Variants in ATG4C observed in about 807,000 individuals in gnomAD.
ATG4C encodes autophagy related 4C cysteine peptidase, also known as cysteine protease ATG4C.
In ATG4C, 56 loss-of-function variants were observed where a neutral mutation model predicts 57.6. That is an observed-to-expected ratio of 0.97 (90% CI 0.78 to 1.21). The LOEUF (loss-of-function observed/expected upper bound fraction) is 1.21, where lower values mean the gene tolerates loss of function less well. ATG4C is among the 50% of genes most tolerant of loss of function. ATG4C has a pLI of 0.00. For synonymous variants in ATG4C, 157 were observed against 174.1 expected, an observed-to-expected ratio of 0.90 and a Z score of 0.78; for missense variants, 595 against 529.8, an observed-to-expected ratio of 1.12 and a Z score of -1.21.
intron 6 of ATG4C, among the ~76,000 whole-genome samples, chr1:62,828,798 G>A (rs1054172074): frequency 2.6e-5 from 4 of 152,134 alleles, no homozygotes; most frequent in African/African-American, 9.6e-5. Flanking sequence ...TTACATTTAA[G>A]TCTTTAATCC....
At chr1:62,812,680 T>G (rs1665126492) in intron 3 of ATG4C, among the ~76,000 whole-genome samples, 1 of 152,156 alleles carries the variant, frequency 6.6e-6, no homozygotes, top group Non-Finnish European at 1.5e-5. Flanking sequence ...GAAGTCAAAT[T>G]ATCTCTTTTT....
At chr1:62,827,332 T>C (rs1365209189) in intron 6 of ATG4C, among the ~76,000 whole-genome samples, 1 of 150,380 alleles carries the variant, frequency 6.6e-6, no homozygotes, top group African/African-American at 2.5e-5. Flanking sequence ...ACTCGCACTT[T>C]TTGATCTTTT....
chr1:62,811,769 A>G (rs1352426758), intron 3 of ATG4C, among the ~76,000 whole-genome samples: 1 of 152,126 alleles, frequency 6.6e-6, no homozygotes, highest in Non-Finnish European at 1.5e-5. Flanking sequence ...CTGAAGTTCT[A>G]TCAGTTTTTG....
At position 62,787,370 on chromosome 1, in the gene ATG4C, C is replaced by T. The variant is rs145939278; in HGVS notation, c.-69+3097C>T. 1.4e-4 allele frequency among the ~76,000 whole-genome samples: 21 copies of T among 152,204 alleles called. No individual in the cohort carries two copies. In the East Asian group the frequency reaches 3.1e-3, roughly 22 times the overall value. On this transcript the variant is annotated intron_variant, in intron 1 of 10. Transcript: ENST00000317868. The stretch of plus-strand genomic sequence containing the variant: ...TTAAACCATGTATATGAATAGGTAA[C>T]TGAATAATGCAGTTACATGCCATCT...
At chr1:62,805,515 G>A (rs556527632) in intron 3 of ATG4C, among the ~76,000 whole-genome samples, 2 of 152,110 alleles carry the variant, frequency 1.3e-5, no homozygotes, top group East Asian at 1.9e-4. Context: ...GAATTGATAT[G>A]TTAATATTGT....
At chr1:62,794,875 G>A (rs779624796) in intron 1 of ATG4C, among the ~76,000 whole-genome samples, 15 of 152,206 alleles carry the variant, frequency 9.9e-5, no homozygotes, top group Non-Finnish European at 1.8e-4. Flanking sequence ...AGAGATGATA[G>A]CCCATTGTGT....
At position 62,817,661 on chromosome 1, in the gene ATG4C, A is replaced by G. The variant is rs546581700; in HGVS notation, c.394+853A>G. Reference sequence around the variant, plus strand: ...TGTGCCTGGCACTAGACATATTCCTAATAAGGTAATCATGCAGTTTTAGAC... The same window carrying G: ...TGTGCCTGGCACTAGACATATTCCTGATAAGGTAATCATGCAGTTTTAGAC... On this transcript the variant is annotated intron_variant, in intron 4 of 10. Coordinates refer to ENST00000317868, the MANE Select transcript of ATG4C (RefSeq NM_032852.4). 2.0e-4 allele frequency among the ~76,000 whole-genome samples: 30 copies of G among 152,252 alleles called. No homozygotes were observed. The South Asian group carries it at 6.0e-3, about 31-fold the overall frequency.
At chr1:62,824,046 G>A (rs1239071685) in intron 6 of ATG4C, among the ~76,000 whole-genome samples, 3 of 152,072 alleles carry the variant, frequency 2.0e-5, no homozygotes, top group Non-Finnish European at 4.4e-5. Flanking sequence ...GGTAGCAGGC[G>A]TAGAAGTAAG....
chr1:62,801,830 C>G (rs111647569), intron 1 of ATG4C, among the ~76,000 whole-genome samples: 5,916 of 150,686 alleles, frequency 0.039, 420 homozygotes, highest in African/African-American at 0.14. Context: ...TGGTGGCAGG[C>G]GCCTGGAGTC....
Position 62,830,573 on chromosome 1 carries a change from C to A in ATG4C, c.933+1397C>A, listed in dbSNP as rs149110541. On this transcript the variant is annotated intron_variant, in intron 7 of 10. Coordinates refer to ENST00000317868, the MANE Select transcript of ATG4C (RefSeq NM_032852.4). ...CATTAGATGGTCTCACTGCCTAATGCTCTTGAGTGATTCATGGTTAATAGC... is the reference window on the plus strand; with the variant it reads ...CATTAGATGGTCTCACTGCCTAATGATCTTGAGTGATTCATGGTTAATAGC... Among the ~76,000 whole-genome samples, 642 of 152,178 alleles carry A rather than the reference C, an allele frequency of 4.2e-3. 6 individuals are homozygous for A. Among genetic ancestry groups the A allele is most frequent in the African/African-American group, 0.015 (614 of 41,532 alleles).
intron 2 of ATG4C, among the ~76,000 whole-genome samples, chr1:62,804,945 G>A (rs1664807902): frequency 6.6e-6 from 1 of 152,014 alleles, no homozygotes; most frequent in Non-Finnish European, 1.5e-5. Flanking sequence ...TAATTGGATA[G>A]TTTTTAAAGT....
chr1:62,862,314 A>G (rs541546109), intron 10 of ATG4C, among the ~76,000 whole-genome samples: 1 of 152,234 alleles, frequency 6.6e-6, no homozygotes, highest in South Asian at 2.1e-4. Context: ...TCCTATATTA[A>G]TAAACCCGAA....
chr1:62,856,244 T>A (rs1666680178), intron 10 of ATG4C, among the ~76,000 whole-genome samples: 1 of 152,210 alleles, frequency 6.6e-6, no homozygotes, highest in Non-Finnish European at 1.5e-5. Flanking sequence ...CCACATGAAA[T>A]CTGAGTGACT....
chr1:62,824,379 G>A (rs557450687), intron 6 of ATG4C, among the ~76,000 whole-genome samples: 1 of 152,234 alleles, frequency 6.6e-6, no homozygotes, highest in South Asian at 2.1e-4. Context: ...GTTAGGTGAT[G>A]AGAAGAATTT....
intron 10 of ATG4C, among the ~76,000 whole-genome samples, chr1:62,847,164 G>A (rs1356429507): frequency 1.3e-5 from 2 of 152,184 alleles, no homozygotes; most frequent in African/African-American, 2.4e-5. Flanking sequence ...GCGAGAGAAC[G>A]AGACTTTGTC....
rs372072480 is a variant in ATG4C, at chr1:62,864,267, T to A, written c.*108T>A. The stretch of plus-strand genomic sequence containing the variant: ...TTTTCACAAATATCTTAATTTTATA[T>A]GTTCTTTAAAAAAGAACATTTGAAA... On this transcript the variant is annotated 3_prime_UTR_variant, in exon 11 of 11. Coordinates refer to ENST00000317868, the MANE Select transcript of ATG4C (RefSeq NM_032852.4). 377 of 913,966 alleles carry A rather than the reference T, an allele frequency of 4.1e-4. No individual in the cohort carries two copies. The highest frequency in any genetic ancestry group is 3.8e-4 in the Non-Finnish European group (235 of 625,252). 56.6% of individuals were successfully genotyped at this position (913,966 alleles called of 1,614,324 possible).
chr1:62,860,931 A>G (rs907209103), intron 10 of ATG4C, among the ~76,000 whole-genome samples: 10 of 152,208 alleles, frequency 6.6e-5, no homozygotes, highest in East Asian at 5.8e-4. Context: ...ATTATGGTAT[A>G]CATTGCTTAA....
At chr1:62,846,499 TTTATA>T (rs1279161033) in intron 10 of ATG4C, among the ~76,000 whole-genome samples, 3 of 152,170 alleles carry the variant, frequency 2.0e-5, no homozygotes, top group African/African-American at 7.2e-5. Flanking sequence ...TTTTCCAAAT[TTTATA>T]TTATAATGTC....
At chr1:62,848,922 A>G (rs1572167630) in intron 10 of ATG4C, among the ~76,000 whole-genome samples, 2 of 152,270 alleles carry the variant, frequency 1.3e-5, no homozygotes, top group South Asian at 4.1e-4. Flanking sequence ...AACAGGATAC[A>G]TGTTTCTTAG....
Sources: gnomAD v4.1 joint callset for allele counts (sites outside exome capture counted in the v4.1 genomes callset) on GRCh38, gnomAD v4.1.1 for gene constraint, MANE v1.5 for transcripts, NCBI Gene and HGNC (gene_info 2026-07-23, HGNC 2026-07-21) for gene names.